PDZD2: variants seen among roughly 807,000 people sequenced by gnomAD.
PDZD2 encodes PDZ domain containing 2.
A neutral mutation model predicts 220.7 loss-of-function variants in PDZD2; 90 were observed. That is an observed-to-expected ratio of 0.41 (90% CI 0.34 to 0.49). The LOEUF (loss-of-function observed/expected upper bound fraction) is 0.49, where lower values mean the gene tolerates loss of function less well. PDZD2 is among the 20% of genes least tolerant of loss of function. The pLI is 0.28. For missense variants in PDZD2, 3,174 were observed against 3,608.5 expected (o/e 0.88, Z 3.08); for synonymous variants, 1,375 against 1,450.5 (o/e 0.95, Z 1.18).
intron 1 of PDZD2, among the ~76,000 whole-genome samples, chr5:31,667,667 C>T (rs943509372): frequency 5.9e-5 from 9 of 151,792 alleles, no homozygotes; most frequent in African/African-American, 2.2e-4. Context: ...TGGAATGGGA[C>T]GTGCCTTTAC....
At chr5:32,046,610 C>CGTACT (rs903983622) in intron 7 of PDZD2, among the ~76,000 whole-genome samples, 3 of 151,990 alleles carry the variant, frequency 2.0e-5, no homozygotes, top group African/African-American at 7.3e-5. Flanking sequence ...TTTAAAAAGA[C>CGTACT]GTACTGTACT....
At chr5:32,085,983 C>T (rs1742412773) in intron 19 of PDZD2, among the ~76,000 whole-genome samples, 1 of 152,042 alleles carries the variant, frequency 6.6e-6, no homozygotes, top group Admixed American at 6.6e-5. Context: ...TTACCTTCCT[C>T]CTCCTCACTC....
intron 6 of PDZD2, among the ~76,000 whole-genome samples, chr5:32,019,853 T>A (rs1430851743): frequency 1.3e-5 from 2 of 152,134 alleles, no homozygotes; most frequent in African/African-American, 4.8e-5. Context: ...ATGTAATGAC[T>A]TTCTCACGGG....
At chr5:32,022,768 C>G (rs9292454) in intron 6 of PDZD2, among the ~76,000 whole-genome samples, 3,424 of 152,208 alleles carry the variant, frequency 0.022, 126 homozygotes, top group African/African-American at 0.079. Flanking sequence ...GTCTATTGAG[C>G]AAAATGTTCA....
rs1742896980 is a variant in PDZD2, at chr5:31,908,572, A to G, written c.477-74583A>G. The stretch of plus-strand genomic sequence containing the variant: ...AGTAATGGCTGGTGTTGATACTGTC[A>G]TGAACCATCACTTTCAGGAAACTAG... On this transcript the variant is annotated intron_variant, in intron 2 of 24. Transcript: ENST00000438447. 4 of 979,774 alleles carry G rather than the reference A, an allele frequency of 4.1e-6. No homozygotes were observed. In the African/African-American group the frequency reaches 6.6e-5, roughly 16 times the overall value. 60.7% of individuals were successfully genotyped at this position (979,774 alleles called of 1,614,324 possible).
chr5:31,809,495 G>C (rs10940968), intron 2 of PDZD2, among the ~76,000 whole-genome samples: 84,441 of 151,964 alleles, frequency 0.56, 24,187 homozygotes, highest in East Asian at 0.73. Context: ...CTCAGGAGTC[G>C]CACTAATGAA....
intron 1 of PDZD2, among the ~76,000 whole-genome samples, chr5:31,749,332 G>T (rs543860375): frequency 6.6e-6 from 1 of 152,174 alleles, no homozygotes; most frequent in Admixed American, 6.5e-5. Flanking sequence ...AAGCTCAGAG[G>T]GGTTAAGTGA....
In PDZD2 at chr5:32,003,352, A is replaced by ACACAC. The variant is rs1246952172; in HGVS notation, c.1254+3092_1254+3096dup. ...ACCCCCACCACACCACACACACACC[A>ACACAC]CACACCACACCACACACACACCACA... On this transcript the variant is annotated intron_variant, in intron 5 of 24. Coordinates refer to ENST00000438447, the MANE Select transcript of PDZD2 (RefSeq NM_178140.4). Among the ~76,000 whole-genome samples the ACACAC allele has an allele frequency of 3.1e-4, 22 of 70,574 alleles. No individual in the cohort carries two copies. In the East Asian group the frequency reaches 8.8e-3, roughly 28 times the overall value. The allele number at this position is 70,574 out of a possible 152,430, so 46.3% of individuals were successfully genotyped here.
chr5:31,656,560 T>C (rs2150109588), intron 1 of PDZD2, among the ~76,000 whole-genome samples: 1 of 152,304 alleles, frequency 6.6e-6, no homozygotes, highest in Admixed American at 6.5e-5. Flanking sequence ...TAAGCACCAT[T>C]GCCGAGGGGA....
At chr5:31,877,676 CTATTTATTTATTTATT>C (rs72473783) in intron 2 of PDZD2, among the ~76,000 whole-genome samples, 1 of 150,422 alleles carries the variant, frequency 6.6e-6, no homozygotes, top group African/African-American at 2.5e-5. Context: ...GCTGAAAGGT[CTATTTATTTATTTATT>C]TATTTATTTA....
chr5:32,003,044 A>AC, intron 5 of PDZD2, among the ~76,000 whole-genome samples: 1 of 126,070 alleles, frequency 7.9e-6, no homozygotes, highest in East Asian at 2.5e-4. Context: ...CCATACACAC[A>AC]CTACACACAC....
In PDZD2 at chr5:32,089,369, T is replaced by C. The variant is rs1271674138; in HGVS notation, c.5921T>C (p.Val1974Ala). Residue 1974 changes from valine to alanine, a missense_variant, in exon 20 of 25, where the codon GTG becomes GCG. By Grantham distance (64) the Val-to-Ala change is moderately conservative (BLOSUM62 0). Around this residue, in one of 4 missense-constraint regions of PDZD2, gnomAD observed 1,861 missense variants for 2,001.0 expected, o/e 0.93. Transcript: ENST00000438447. ...ACCTCTGGGCCACTGAAACCCTCAG[T>C]GTCTGACACGAGCATCAGGACATTT... ...LATSGPLKPS[V>A]SDTSIRTFVS... The C allele has an allele frequency of 6.2e-7, 1 of 1,614,166 alleles. No individual in the cohort carries two copies. The highest frequency in any genetic ancestry group is 1.3e-5 in the African/African-American group (1 of 75,052).
intron 2 of PDZD2, among the ~76,000 whole-genome samples, chr5:31,962,752 G>A (rs1006334214): frequency 6.6e-6 from 1 of 152,126 alleles, no homozygotes; most frequent in African/African-American, 2.4e-5. Flanking sequence ...GAGTCTCAAG[G>A]GAACAGTGCC....
chr5:31,865,874 GC>G (rs1738184099), intron 2 of PDZD2, among the ~76,000 whole-genome samples: 2 of 150,082 alleles, frequency 1.3e-5, no homozygotes, highest in Non-Finnish European at 3.0e-5. Context: ...CTCGTGATCT[GC>G]CCGCCTCGCC....
chr5:32,106,071 C>T (rs1300721724), intron 24 of PDZD2: 1 of 148,450 alleles, frequency 6.7e-6, no homozygotes, highest in Non-Finnish European at 1.5e-5. Context: ...TTATTGTATA[C>T]TTTATTTCTG....
chr5:31,727,506 A>G (rs900532669), intron 1 of PDZD2, among the ~76,000 whole-genome samples: 1 of 148,020 alleles, frequency 6.8e-6, no homozygotes, highest in East Asian at 2.1e-4. Context: ...GAGACCAGCC[A>G]TGGTCAACAT....
chr5:31,749,484 C>T (rs959442513), intron 1 of PDZD2, among the ~76,000 whole-genome samples: 2 of 150,040 alleles, frequency 1.3e-5, no homozygotes, highest in Admixed American at 1.3e-4. Context: ...AGTGCAGTGG[C>T]ATGATCTCAG....
At chr5:31,696,871 A>G (rs450991) in intron 1 of PDZD2, among the ~76,000 whole-genome samples, 68,868 of 151,956 alleles carry the variant, frequency 0.45, 16,317 homozygotes, top group East Asian at 0.62. Flanking sequence ...AGAGACAGTC[A>G]TCGTTCAGTT....
intron 2 of PDZD2, among the ~76,000 whole-genome samples, chr5:31,979,882 C>T (rs1170270316): frequency 6.6e-6 from 1 of 152,174 alleles, no homozygotes; most frequent in South Asian, 2.1e-4. Flanking sequence ...CTTGGGCAAG[C>T]TGATTGATAT....
Sources: allele counts gnomAD v4.1 joint callset (sites outside exome capture counted in the v4.1 genomes callset), GRCh38; gene constraint gnomAD v4.1.1; regional missense constraint gnomAD v4.1.1; transcripts MANE v1.5; gene names NCBI Gene and HGNC (gene_info 2026-07-23, HGNC 2026-07-21).